CUEDC1: variants seen among roughly 807,000 people sequenced by gnomAD.
CUEDC1 encodes CUE domain containing 1.
In CUEDC1, 30 loss-of-function variants were observed where a neutral mutation model predicts 43.7. That is an observed-to-expected ratio of 0.69 (90% confidence interval 0.51 to 0.93). The LOEUF is 0.93. Among genes scored for constraint, CUEDC1 ranks in the 40% least tolerant of loss-of-function variants. The pLI, the probability that CUEDC1 is intolerant of heterozygous loss-of-function variation, is 0.00. For synonymous variants in CUEDC1, 223 were observed against 223.6 expected (o/e 1.00, Z 0.02); for missense variants, 486 against 549.0 (o/e 0.89, Z 1.15).
intron 1 of CUEDC1, among the ~76,000 whole-genome samples, chr17:57,932,281 CAAAAAA>C (rs56137797): frequency 8.2e-6 from 1 of 121,966 alleles, no homozygotes; most frequent in South Asian, 2.6e-4. Context: ...CACTGTGTCT[CAAAAAA>C]AAAAAAAAAA....
intron 1 of CUEDC1, among the ~76,000 whole-genome samples, chr17:57,910,729 GA>G (rs1023720866): frequency 2.2e-4 from 33 of 152,162 alleles, no homozygotes; most frequent in African/African-American, 7.7e-4. Context: ...ACAACTCTGT[GA>G]ACACCCCCTT....
At chr17:57,888,538 G>C (rs1225075945) in intron 1 of CUEDC1, among the ~76,000 whole-genome samples, 3 of 152,208 alleles carry the variant, frequency 2.0e-5, no homozygotes, top group African/African-American at 7.2e-5. Context: ...AACATAGGAA[G>C]GTAGCCAAGT....
chr17:57,938,960 C>CT lies in CUEDC1; in HGVS notation c.-316+16264dup, dbSNP rs55687937. ...ACAGGCACGAGCCACCGTGCCCAGC[C>CT]TTTTTTTTTTTTTTTTTTTTTTTTT... is the stretch of plus-strand genomic sequence containing the variant. On this transcript the variant is annotated intron_variant, in intron 1 of 10. Coordinates refer to ENST00000577830, the MANE Select transcript of CUEDC1 (RefSeq NM_001271875.2). Among the ~76,000 whole-genome samples, 203 of 82,678 alleles carry CT rather than the reference C, an allele frequency of 2.5e-3. 2 individuals are homozygous for CT. The highest frequency in any genetic ancestry group is 3.6e-3 in the African/African-American group (84 of 23,096). The allele number at this position is 82,678 out of a possible 152,430, so 54.2% of individuals were successfully genotyped here.
intron 1 of CUEDC1, among the ~76,000 whole-genome samples, chr17:57,924,769 G>C (rs1215048995): frequency 6.6e-6 from 1 of 152,232 alleles, no homozygotes; most frequent in Non-Finnish European, 1.5e-5. Context: ...CCCCAGGCCT[G>C]TACCACAGCC....
At chr17:57,866,965 G>A (rs920167904) in intron 9 of CUEDC1, 5 of 359,434 alleles carry the variant, frequency 1.4e-5, no homozygotes, top group Non-Finnish European at 2.6e-5. Flanking sequence ...CGTGGCCTTT[G>A]GAAGGGACTG....
chr17:57,949,861 G>A (rs1317500797), intron 1 of CUEDC1, among the ~76,000 whole-genome samples: 2 of 152,024 alleles, frequency 1.3e-5, no homozygotes, highest in African/African-American at 4.8e-5. Context: ...ACCACACCCA[G>A]CCCTGACAGT....
At chr17:57,943,434 T>A (rs912494738) in intron 1 of CUEDC1, among the ~76,000 whole-genome samples, 4 of 152,128 alleles carry the variant, frequency 2.6e-5, no homozygotes, top group African/African-American at 9.7e-5. Context: ...CATCCCTCTC[T>A]CCACCAAACA....
chr17:57,893,351 G>A (rs1168701638), intron 1 of CUEDC1, among the ~76,000 whole-genome samples: 3 of 149,796 alleles, frequency 2.0e-5, no homozygotes, highest in African/African-American at 7.3e-5. Flanking sequence ...CTCAGGGTAT[G>A]TGTGTGTGTG....
intron 9 of CUEDC1, chr17:57,867,052 G>A (rs2073969061): frequency 2.1e-6 from 1 of 480,960 alleles, no homozygotes. Context: ...GGTCCCCCAT[G>A]GGGGCAGGCC....
At chr17:57,919,046 T>G (rs2074673874) in intron 1 of CUEDC1, among the ~76,000 whole-genome samples, 1 of 149,762 alleles carries the variant, frequency 6.7e-6, no homozygotes, top group South Asian at 2.1e-4. Context: ...AGAGACAGGG[T>G]TTCTCCATGT....
At chr17:57,921,771 G>T (rs571990685) in intron 1 of CUEDC1, among the ~76,000 whole-genome samples, 3 of 152,142 alleles carry the variant, frequency 2.0e-5, no homozygotes, top group Admixed American at 6.5e-5. Flanking sequence ...GGGGTCTGTG[G>T]TTCGGCTCAA....
chr17:57,867,726 A>C (rs1328116059), intron 8 of CUEDC1: 2 of 501,238 alleles, frequency 4.0e-6, no homozygotes, highest in Non-Finnish European at 7.2e-6. Context: ...GTTCTGATAA[A>C]AAGGTGGAAA....
At chr17:57,899,305 G>A (rs946372692) in intron 1 of CUEDC1, among the ~76,000 whole-genome samples, 17 of 152,136 alleles carry the variant, frequency 1.1e-4, no homozygotes, top group African/African-American at 3.9e-4. Context: ...CCCCTGCTCC[G>A]CCTGTGTAGC....
chr17:57,887,655 C>CTTTTTTT lies in CUEDC1; in HGVS notation c.-315-1783_-315-1777dup, dbSNP rs3085786. Reference sequence around the variant, plus strand: ...TACAGGTACACGCCACCACGCCTGGCTTTTTTTTTTTTTTTTTTTTTGTAT... The same window carrying CTTTTTTT: ...TACAGGTACACGCCACCACGCCTGGCTTTTTTTTTTTTTTTTTTTTTTTTTTTTGTAT... On this transcript the variant is annotated intron_variant, in intron 1 of 10. Transcript: ENST00000577830. 3.1e-3 allele frequency among the ~76,000 whole-genome samples: 180 copies of CTTTTTTT among 58,030 alleles called. 13 individuals carry two copies. Among genetic ancestry groups the CTTTTTTT allele is most frequent in the East Asian group, 5.5e-3 (8 of 1,466 alleles). The allele number at this position is 58,030 out of a possible 152,430, so 38.1% of individuals were successfully genotyped here.
chr17:57,864,277 G>A (rs1485301757), intron 10 of CUEDC1, among the ~76,000 whole-genome samples: 1 of 152,102 alleles, frequency 6.6e-6, no homozygotes, highest in Non-Finnish European at 1.5e-5. Flanking sequence ...ACACGAAGCA[G>A]CTCTGGAAGC....
chr17:57,923,452 C>T (rs1164515053), intron 1 of CUEDC1, among the ~76,000 whole-genome samples: 2 of 152,222 alleles, frequency 1.3e-5, no homozygotes, highest in East Asian at 1.9e-4. Context: ...TGGTGCCACA[C>T]CCTGCTTTCA....
rs954760115 is a variant in CUEDC1, at chr17:57,899,968, G to A, written c.-315-14089C>T. 3.3e-5 allele frequency among the ~76,000 whole-genome samples: 5 copies of A among 152,012 alleles called. No homozygotes were observed. In the South Asian group the frequency reaches 8.3e-4, roughly 25 times the overall value. On this transcript the variant is annotated intron_variant, in intron 1 of 10. Transcript: ENST00000577830. The stretch of plus-strand genomic sequence containing the variant: ...TCTTCCCCCATCTGCACCCAGAATG[G>A]GTTTTACAGCATTGGTAAGGTCAGG...
intron 1 of CUEDC1, among the ~76,000 whole-genome samples, chr17:57,922,979 G>A (rs75300308): frequency 0.029 from 4,340 of 151,526 alleles, 223 homozygotes; most frequent in African/African-American, 0.098. Flanking sequence ...GGGCTCAAGC[G>A]ATTTTCCCAC....
chr17:57,929,444 T>C lies in CUEDC1; in HGVS notation c.-316+25781A>G, dbSNP rs73315803. 2.6e-3 allele frequency among the ~76,000 whole-genome samples: 388 copies of C among 152,090 alleles called. 1 individual carries two copies. Among genetic ancestry groups the C allele is most frequent in the African/African-American group, 8.8e-3 (365 of 41,486 alleles). ...ATGTCCACAGACCACCTACAAACTGTTAGTTGTGGGTCCTTACCAAATAAG... is the reference window on the plus strand; with the variant it reads ...ATGTCCACAGACCACCTACAAACTGCTAGTTGTGGGTCCTTACCAAATAAG... On this transcript the variant is annotated intron_variant, in intron 1 of 10. Coordinates refer to ENST00000577830, the MANE Select transcript of CUEDC1 (RefSeq NM_001271875.2).
Sources: gnomAD v4.1 joint callset for allele counts (sites outside exome capture counted in the v4.1 genomes callset) on GRCh38, gnomAD v4.1.1 for gene constraint, MANE v1.5 for transcripts, NCBI Gene and HGNC (gene_info 2026-07-23, HGNC 2026-07-21) for gene names.